The following DNTT variants were observed in gnomAD, a reference collection of about 807,000 sequenced individuals.
DNTT encodes the protein DNA nucleotidylexotransferase.
Under a neutral mutation model 60.9 loss-of-function variants are expected in DNTT, and 47 were observed. That is an observed-to-expected ratio of 0.77 (90% CI 0.61 to 0.98). The LOEUF is 0.98. Ranked by LOEUF, DNTT falls within the 50% of genes least tolerant of loss-of-function variation. The pLI is 0.00. For synonymous variants in DNTT, 224 were observed against 221.2 expected (o/e 1.01, Z -0.11); for missense variants, 665 against 627.5 (o/e 1.06, Z -0.64).
rs1225022664 is a variant in DNTT, at chr10:96,332,594, C to T, written c.1357C>T (p.Arg453Trp). The T allele has an allele frequency of 2.1e-5, 34 of 1,612,066 alleles. No homozygotes were observed. The highest frequency in any genetic ancestry group is 2.7e-5 in the Non-Finnish European group (32 of 1,179,338). Reference protein sequence around the residue: ...AFALLGWTGSRQFERDLRRYA... With the variant: ...AFALLGWTGSWQFERDLRRYA... ...TGCCCTGTTGGGATGGACTGGCTCCCGGGTAAGTGCTACATGGACCCATGG... is the reference window on the plus strand; with the variant it reads ...TGCCCTGTTGGGATGGACTGGCTCCTGGGTAAGTGCTACATGGACCCATGG... Residue 453 changes from arginine (R) to tryptophan (W), a missense_variant and splice_region_variant, in exon 9 of 11, where the codon CGG (arginine) becomes TGG (tryptophan). Physicochemically the swap from Arg to Trp is moderately radical, Grantham distance 101. Coordinates refer to ENST00000371174, the MANE Select transcript of DNTT (RefSeq NM_004088.4).
At chr10:96,311,259 G>C (rs1397229430) in intron 1 of DNTT, among the ~76,000 whole-genome samples, 1 of 152,206 alleles carries the variant, frequency 6.6e-6, no homozygotes, top group Non-Finnish European at 1.5e-5. Context: ...TTAAGTCACT[G>C]TTTACAAAAT....
intron 4 of DNTT, among the ~76,000 whole-genome samples, chr10:96,322,384 A>G (rs1382622495): frequency 6.6e-6 from 1 of 152,176 alleles, no homozygotes; most frequent in African/African-American, 2.4e-5. Context: ...TTTTCAGTGA[A>G]TATTTTGGTT....
intron 8 of DNTT, 88 bp from the exon 9 acceptor site, chr10:96,332,263 T>C: frequency 1.3e-6 from 2 of 1,543,642 alleles, no homozygotes; most frequent in Non-Finnish European, 1.7e-6. Context: ...TCTGCTCGAA[T>C]CTGAAAAGAT....
At chr10:96,330,595 G>A (rs1486830949) in intron 8 of DNTT, among the ~76,000 whole-genome samples, 1 of 152,036 alleles carries the variant, frequency 6.6e-6, no homozygotes, top group Non-Finnish European at 1.5e-5. Flanking sequence ...TTTCTTCAAG[G>A]CGTTGAAGGG....
intron 8 of DNTT, among the ~76,000 whole-genome samples, chr10:96,329,861 G>A (rs1046233012): frequency 6.6e-6 from 1 of 152,144 alleles, no homozygotes; most frequent in African/African-American, 2.4e-5. Context: ...GAGCCTTCCT[G>A]TGGGAGGTCA....
chr10:96,318,498 T>C lies in DNTT; in HGVS notation c.350T>C (p.Val117Ala), dbSNP rs763250252. ...LIECIRAGKP[V>A]EMTGKHQLVV... ...GAATGCATAAGAGCAGGGAAACCGG[T>C]GGAAATGACAGGAAAACACCAGCTT... Residue 117 changes from valine to alanine, a missense_variant, in exon 2 of 11, where the codon GTG becomes GCG. Transcript: ENST00000371174. 6.2e-7 allele frequency: 1 copy of C among 1,613,602 alleles called. No homozygotes were observed. Among genetic ancestry groups the C allele is most frequent in the Non-Finnish European group, 8.5e-7 (1 of 1,179,708 alleles).
intron 9 of DNTT, among the ~76,000 whole-genome samples, chr10:96,335,443 A>T (rs185637920): frequency 3.4e-4 from 52 of 152,344 alleles, no homozygotes; most frequent in Middle Eastern, 6.8e-3. Context: ...GGAGATGCAC[A>T]GCCAGGTAGG....
Position 96,304,566 on chromosome 10 carries a change from G to T in DNTT, c.69G>T (p.Met23Ile). ...GACCCCGGCAGACGGGTGCCTTGAT[G>T]GCCTCCTCTCCTCAAGACATCAAAT... ...KKRPRQTGALMASSPQDIKFQ... is the reference protein window; with the variant it reads ...KKRPRQTGALIASSPQDIKFQ... Residue 23 changes from methionine to isoleucine, a missense_variant, in exon 1 of 11, where the codon ATG (methionine) becomes ATT (isoleucine). Met to Ile is a conservative substitution (Grantham distance 10). Coordinates refer to ENST00000371174, the MANE Select transcript of DNTT (RefSeq NM_004088.4). 2 of 1,614,116 alleles carry T rather than the reference G, an allele frequency of 1.2e-6. No homozygotes were observed. Among genetic ancestry groups the T allele is most frequent in the South Asian group, 2.2e-5 (2 of 91,082 alleles).
intron 1 of DNTT, among the ~76,000 whole-genome samples, chr10:96,314,586 G>A (rs1844763791): frequency 6.6e-6 from 1 of 151,042 alleles, no homozygotes; most frequent in East Asian, 1.9e-4. Context: ...CTAATTTTTT[G>A]TATTTTTAGT....
At chr10:96,307,320 G>GTTTTTATT (rs1844649835) in intron 1 of DNTT, among the ~76,000 whole-genome samples, 1 of 124,970 alleles carries the variant, frequency 8.0e-6, no homozygotes, top group Non-Finnish European at 1.7e-5. Context: ...GATTATGGCT[G>GTTTTTATT]TTTTTATTTT....
intron 8 of DNTT, among the ~76,000 whole-genome samples, chr10:96,331,263 G>C (rs1372355884): frequency 1.3e-5 from 2 of 152,152 alleles, no homozygotes; most frequent in Non-Finnish European, 2.9e-5. Context: ...GCTTTTGGCT[G>C]GTTAAACCTG....
intron 4 of DNTT, among the ~76,000 whole-genome samples, chr10:96,321,668 C>T (rs1844881892): frequency 6.6e-6 from 1 of 152,084 alleles, no homozygotes; most frequent in Admixed American, 6.6e-5. Context: ...ACTGCCAGAC[C>T]ATCACGGAAT....
chr10:96,322,739 T>TA lies in DNTT; in HGVS notation c.750+11_750+12insA. On this transcript the variant is annotated intron_variant, in intron 5 of 10. Coordinates refer to ENST00000371174, the MANE Select transcript of DNTT (RefSeq NM_004088.4). ...TATCAATCCTTCAAAGTAAGTGATT[T>TA]TACATATATTTATTGAAAATTGTTT... 1 of 1,572,848 alleles carries TA rather than the reference T, an allele frequency of 6.4e-7. No homozygotes were observed. The highest frequency in any genetic ancestry group is 8.7e-7 in the Non-Finnish European group (1 of 1,152,342).
intron 10 of DNTT, among the ~76,000 whole-genome samples, chr10:96,337,649 T>G (rs1287736462): frequency 3.9e-5 from 6 of 152,228 alleles, no homozygotes; most frequent in Non-Finnish European, 8.8e-5. Context: ...GGGATCCTGC[T>G]GGGGTTAGAG....
Position 96,307,813 on chromosome 10 carries a change from G to A in DNTT, c.203+3113G>A, listed in dbSNP as rs188786031. Among the ~76,000 whole-genome samples, 11 of 119,852 alleles carry A rather than the reference G, an allele frequency of 9.2e-5. No homozygotes were observed. In the East Asian group the frequency reaches 2.1e-3, roughly 23 times the overall value. The allele number at this position is 119,852 out of a possible 152,430, so 78.6% of individuals were successfully genotyped here. ...TTGAGGCAGGGTCTTGTTCTGTCAC[G>A]CAGGCTGGAGTGCAGTGGTGCCATC... On this transcript the variant is annotated intron_variant, in intron 1 of 10. Transcript: ENST00000371174.
In DNTT at chr10:96,319,282, T is replaced by C; in HGVS notation, c.399T>C (p.Asp133=). ...TTTAGGTGAGAAGAGACTATTCAGA[T>C]AGCACCAACCCAGGCCCCCCGAAGA... The part of the protein sequence containing the change: ...HQLVVRRDYS[D]STNPGPPKTP... Residue 133 remains aspartate (D), a synonymous_variant, in exon 3 of 11, where the codon GAT becomes GAC. Coordinates refer to ENST00000371174, the MANE Select transcript of DNTT (RefSeq NM_004088.4). 6.2e-7 allele frequency: 1 copy of C among 1,613,794 alleles called. No individual in the cohort carries two copies. Among genetic ancestry groups the C allele is most frequent in the Non-Finnish European group, 8.5e-7 (1 of 1,179,786 alleles).
Position 96,338,535 on chromosome 10 carries a change from TC to T in DNTT, c.*312del, listed in dbSNP as rs1269445246. The T allele has an allele frequency of 9.8e-6, 2 of 204,732 alleles. No homozygotes were observed. The highest frequency in any genetic ancestry group is 2.0e-5 in the Non-Finnish European group (2 of 101,658). The allele number at this position is 204,732 out of a possible 1,614,324, so 12.7% of individuals were successfully genotyped here. ...TGTTCGCAGTGTAGCTGAAATACTGTCTATCTCTAATAAAAACAGGAGGAAA... is the reference window on the plus strand; with the variant it reads ...TGTTCGCAGTGTAGCTGAAATACTGTTATCTCTAATAAAAACAGGAGGAAA... On this transcript the variant is annotated 3_prime_UTR_variant, in exon 11 of 11. Transcript: ENST00000371174.
At chr10:96,331,585 A>T (rs1008170267) in intron 8 of DNTT, among the ~76,000 whole-genome samples, 1 of 152,090 alleles carries the variant, frequency 6.6e-6, no homozygotes, top group Non-Finnish European at 1.5e-5. Flanking sequence ...GAACTCACTC[A>T]TTACCATGAG....
chr10:96,310,788 A>G (rs1382203360), intron 1 of DNTT, among the ~76,000 whole-genome samples: 1 of 152,256 alleles, frequency 6.6e-6, no homozygotes, highest in Non-Finnish European at 1.5e-5. Context: ...TCTGGTGAAT[A>G]TAAAACCAGC....
Sources: gnomAD v4.1 joint callset for allele counts (sites outside exome capture counted in the v4.1 genomes callset) on GRCh38, gnomAD v4.1.1 for gene constraint, MANE v1.5 for transcripts, NCBI Gene and HGNC (gene_info 2026-07-23, HGNC 2026-07-21) for gene names.